Variants in BBX observed in about 807,000 individuals in gnomAD.
BBX encodes the protein HMG box transcription factor BBX.
In BBX, 30 loss-of-function variants were observed where a neutral mutation model predicts 100.2. That is an observed-to-expected ratio of 0.30 (90% CI 0.22 to 0.41). BBX has a LOEUF of 0.41. Ranked by LOEUF, BBX falls within the 10% of genes least tolerant of loss-of-function variation. The probability of loss-of-function intolerance (pLI) is 1.00; values close to 1 mark genes in which losing one functional copy is unlikely to be tolerated. For synonymous variants in BBX, 376 were observed against 388.1 expected, an observed-to-expected ratio of 0.97 and a Z score of 0.37; for missense variants, 1,023 against 1,129.8, an observed-to-expected ratio of 0.91 and a Z score of 1.35.
chr3:107,739,316 T>G (rs1013718647), intron 7 of BBX, among the ~76,000 whole-genome samples: 4 of 152,192 alleles, frequency 2.6e-5, no homozygotes, highest in South Asian at 4.1e-4. Context: ...TCAAAACTTT[T>G]ATTCCCTTCT....
rs182345718 is a variant in BBX at position 107,768,363 on chromosome 3, G to A, written c.907-4265G>A. Among the ~76,000 whole-genome samples the A allele has an allele frequency of 2.6e-5, 4 of 152,288 alleles. No individual in the cohort carries two copies. In the East Asian group the frequency reaches 7.7e-4, roughly 29 times the overall value. ...TGTTACAATGTTTTGTGAACAAAATGGGAGGAATTTCAAATGGATTAGAAA... is the reference window on the plus strand; with the variant it reads ...TGTTACAATGTTTTGTGAACAAAATAGGAGGAATTTCAAATGGATTAGAAA... On this transcript the variant is annotated intron_variant, in intron 10 of 17. Coordinates refer to ENST00000325805, the MANE Select transcript of BBX (RefSeq NM_001142568.3).
chr3:107,586,754 CT>C (rs34606832), intron 2 of BBX, among the ~76,000 whole-genome samples: 496 of 145,240 alleles, frequency 3.4e-3, no homozygotes, highest in Non-Finnish European at 5.1e-3. Context: ...TGATTCCACA[CT>C]TTTTTTTTTT....
At chr3:107,696,913 C>T (rs1412452014) in intron 3 of BBX, among the ~76,000 whole-genome samples, 1 of 151,550 alleles carries the variant, frequency 6.6e-6, no homozygotes, top group Non-Finnish European at 1.5e-5. Flanking sequence ...ATTCTTTTTT[C>T]TCTAAACTTC....
intron 17 of BBX, among the ~76,000 whole-genome samples, chr3:107,802,994 T>C (rs1343099858): frequency 1.3e-5 from 2 of 152,196 alleles, no homozygotes; most frequent in African/African-American, 4.8e-5. Context: ...TTGGGATGTA[T>C]TGATTTGTCG....
At chr3:107,738,194 A>G (rs544085304) in intron 7 of BBX, among the ~76,000 whole-genome samples, 2 of 151,974 alleles carry the variant, frequency 1.3e-5, no homozygotes, top group East Asian at 3.9e-4. Context: ...TATATCCCAT[A>G]TTGTTAGTTT....
intron 2 of BBX, among the ~76,000 whole-genome samples, chr3:107,641,483 G>A (rs2057209999): frequency 6.6e-6 from 1 of 152,176 alleles, no homozygotes; most frequent in South Asian, 2.1e-4. Context: ...GGGCCCATCT[G>A]AACCAATGAA....
chr3:107,657,464 A>G lies in BBX; in HGVS notation c.-10+11555A>G, dbSNP rs189366211. On this transcript the variant is annotated intron_variant, in intron 3 of 17. Coordinates refer to ENST00000325805, the MANE Select transcript of BBX (RefSeq NM_001142568.3). ...ACTGTGTTTCTTGAATATGAAGTCT[A>G]GGTATCTGTCACCTGAATCAATTTA... Among the ~76,000 whole-genome samples, 18 of 152,312 alleles carry G rather than the reference A, an allele frequency of 1.2e-4. No homozygotes were observed. In the East Asian group the frequency reaches 3.1e-3, roughly 26 times the overall value.
intron 5 of BBX, among the ~76,000 whole-genome samples, chr3:107,719,198 C>A (rs995798872): frequency 1.3e-5 from 2 of 151,890 alleles, no homozygotes; most frequent in Admixed American, 6.6e-5. Flanking sequence ...TTTTAAAACT[C>A]TTTTTAGATG....
At chr3:107,532,223 C>A (rs1390460720) in intron 2 of BBX, among the ~76,000 whole-genome samples, 3 of 151,736 alleles carry the variant, frequency 2.0e-5, no homozygotes, top group Non-Finnish European at 4.4e-5. Context: ...AAACATGTGA[C>A]CAATGTTTAC....
chr3:107,543,345 A>G (rs2048994210), intron 2 of BBX, among the ~76,000 whole-genome samples: 1 of 152,236 alleles, frequency 6.6e-6, no homozygotes, highest in African/African-American at 2.4e-5. Context: ...TTTAGCTCCA[A>G]AATGATGTAA....
chr3:107,763,805 C>T (rs17207159), intron 10 of BBX, among the ~76,000 whole-genome samples: 3,336 of 152,232 alleles, frequency 0.022, 72 homozygotes, highest in South Asian at 0.11. Flanking sequence ...TCCTGCACAT[C>T]ACTGTCAGAT....
At chr3:107,683,420 C>T (rs1458076405) in intron 3 of BBX, among the ~76,000 whole-genome samples, 1 of 151,988 alleles carries the variant, frequency 6.6e-6, no homozygotes, top group Non-Finnish European at 1.5e-5. Context: ...TTTTCTTTTT[C>T]AGGGAAAAGA....
At chr3:107,703,271 A>G (rs996072643) in intron 3 of BBX, among the ~76,000 whole-genome samples, 1 of 152,180 alleles carries the variant, frequency 6.6e-6, no homozygotes, top group Non-Finnish European at 1.5e-5. Context: ...AGAAGGTTGC[A>G]TTTTTGGAAG....
Position 107,553,820 on chromosome 3 carries a change from AT to A in BBX, c.-84+27424del, listed in dbSNP as rs758447318. 2.4e-3 allele frequency among the ~76,000 whole-genome samples: 358 copies of A among 152,252 alleles called. 1 individual carries two copies. Among genetic ancestry groups the A allele is most frequent in the Non-Finnish European group, 4.3e-3 (291 of 68,004 alleles). The stretch of plus-strand genomic sequence containing the variant: ...AGTTCAACTTATGCATATTTTATTA[AT>A]TCTTTAATTTATTCTATCTAGTGTT... On this transcript the variant is annotated intron_variant, in intron 2 of 17. Transcript: ENST00000325805.
intron 2 of BBX, among the ~76,000 whole-genome samples, chr3:107,540,392 A>G (rs765094589): frequency 1.3e-5 from 2 of 152,166 alleles, no homozygotes; most frequent in Non-Finnish European, 2.9e-5. Flanking sequence ...CCTAGGATGC[A>G]GTATGGTAGG....
chr3:107,567,391 T>C (rs1183754737), intron 2 of BBX, among the ~76,000 whole-genome samples: 1 of 152,176 alleles, frequency 6.6e-6, no homozygotes, highest in African/African-American at 2.4e-5. Flanking sequence ...TTATGGGTTT[T>C]GTCTTTTTTT....
intron 2 of BBX, among the ~76,000 whole-genome samples, chr3:107,572,254 A>G (rs2051424592): frequency 6.6e-6 from 1 of 152,108 alleles, no homozygotes; most frequent in Admixed American, 6.5e-5. Flanking sequence ...TATTCACGTA[A>G]TCCTTTCGTT....
chr3:107,563,034 G>T (rs940184965), intron 2 of BBX, among the ~76,000 whole-genome samples: 3 of 152,172 alleles, frequency 2.0e-5, no homozygotes, highest in African/African-American at 7.2e-5. Flanking sequence ...GGAAGCCTGA[G>T]AATTTTTATT....
intron 2 of BBX, among the ~76,000 whole-genome samples, chr3:107,585,274 A>G (rs2052746352): frequency 1.3e-5 from 2 of 152,122 alleles, no homozygotes; most frequent in Admixed American, 1.3e-4. Flanking sequence ...GGTTGAGGAG[A>G]GAGAAGGAAG....
Sources: gnomAD v4.1 joint callset for allele counts (sites outside exome capture counted in the v4.1 genomes callset) on GRCh38, gnomAD v4.1.1 for gene constraint, MANE v1.5 for transcripts, NCBI Gene and HGNC (gene_info 2026-07-23, HGNC 2026-07-21) for gene names.